Variants in IRAG1 observed in about 807,000 individuals in gnomAD.
IRAG1 encodes inositol 1,4,5-triphosphate receptor associated 1, also known as IP3R-associated cGMP kinase substrate.
Under a neutral mutation model 106.2 loss-of-function variants are expected in IRAG1, and 62 were observed. The observed-to-expected ratio is 0.58, with a 90% CI of 0.48 to 0.72. The LOEUF is 0.72. Among genes scored for constraint, IRAG1 ranks in the 30% least tolerant of loss-of-function variants. The pLI is 0.00. For missense variants in IRAG1, 1,064 were observed against 1,140.7 expected, an observed-to-expected ratio of 0.93 and a Z score of 0.97; for synonymous variants, 462 against 443.9, an observed-to-expected ratio of 1.04 and a Z score of -0.51.
intron 1 of IRAG1, among the ~76,000 whole-genome samples, chr11:10,690,632 C>T (rs1315103076): frequency 2.6e-5 from 4 of 152,138 alleles, no homozygotes; most frequent in Non-Finnish European, 5.9e-5. Flanking sequence ...TGGACTGTGA[C>T]ACTCAGTAAC....
chr11:10,604,323 C>G, intron 13 of IRAG1, 82 bp downstream of exon 13: 1 of 1,551,822 alleles, frequency 6.4e-7, no homozygotes, highest in East Asian at 2.3e-5. Context: ...ATACTTGGTA[C>G]CTGAGAGAAG....
rs780455852 is a variant in IRAG1 at position 10,659,128 on chromosome 11, T to G, written c.68-6946A>C. 6.6e-6 allele frequency among the ~76,000 whole-genome samples: 1 copy of G among 152,242 alleles called. No individual in the cohort carries two copies. The highest frequency in any genetic ancestry group is 6.5e-5 in the Admixed American group (1 of 15,292). On this transcript the variant is annotated intron_variant, in intron 1 of 20. Transcript: ENST00000423302. The surrounding 1 kb of genome is among the most constrained non-coding windows in gnomAD (Gnocchi z 4.1). ...GTTCTTTCCACTATCCCTGTACTCA[T>G]GATGACTCCCCCAAAACAGAGGTTT...
intron 10 of IRAG1, among the ~76,000 whole-genome samples, chr11:10,621,299 C>T (rs1855817243): frequency 6.6e-6 from 1 of 152,200 alleles, no homozygotes; most frequent in Non-Finnish European, 1.5e-5. Context: ...TAAGTTACTA[C>T]AGTTCAGACC....
At chr11:10,596,882 G>T (rs1259806405) in intron 15 of IRAG1, among the ~76,000 whole-genome samples, 1 of 152,216 alleles carries the variant, frequency 6.6e-6, no homozygotes, top group Non-Finnish European at 1.5e-5. Context: ...AGGAAGATGT[G>T]ATTTGCTTAT....
At chr11:10,600,211 C>T (rs1361105468) in intron 15 of IRAG1, among the ~76,000 whole-genome samples, 12 of 152,214 alleles carry the variant, frequency 7.9e-5, no homozygotes, top group Admixed American at 7.9e-4. Context: ...CAAGCAGAAT[C>T]AGGTGGGCCC....
At chr11:10,605,571 C>T (rs568205577) in intron 12 of IRAG1, among the ~76,000 whole-genome samples, 7 of 152,328 alleles carry the variant, frequency 4.6e-5, no homozygotes, top group African/African-American at 1.2e-4. Flanking sequence ...AAGACCAGAA[C>T]GGTCATTAAC....
chr11:10,600,936 G>C lies in IRAG1; in HGVS notation c.1999C>G (p.Arg667Gly). The C allele has an allele frequency of 6.2e-7, 1 of 1,614,042 alleles. No individual in the cohort carries two copies. Among genetic ancestry groups the C allele is most frequent in the Non-Finnish European group, 8.5e-7 (1 of 1,179,896 alleles). The change falls in exon 15 of 21, where the codon CGC becomes GGC. Residue 667 changes from arginine (R) to glycine (G), a missense_variant. By Grantham distance (125) the Arg-to-Gly change is moderately radical. Coordinates refer to ENST00000423302, the MANE Select transcript of IRAG1 (RefSeq NM_130385.4). The part of the protein sequence containing the change: ...FKKLANQNSS[R>G]SCGPSEDGVP... ...TCCTTACCAGAGGGGCCACAGCTGC[G>C]GCTTGAATTCTGATTTGCAAGCTTT...
intron 15 of IRAG1, among the ~76,000 whole-genome samples, chr11:10,595,068 A>G (rs749353703): frequency 6.6e-6 from 1 of 152,018 alleles, no homozygotes; most frequent in African/African-American, 2.4e-5. Flanking sequence ...GGGATTACAG[A>G]TGTGTGCCAC....
chr11:10,584,553 AT>A, intron 18 of IRAG1, among the ~76,000 whole-genome samples: 1 of 40,390 alleles, frequency 2.5e-5, no homozygotes, highest in South Asian at 5.6e-4. Flanking sequence ...CATGAAATAT[AT>A]ATATATATAT....
intron 9 of IRAG1, among the ~76,000 whole-genome samples, chr11:10,624,306 C>A (rs996728438): frequency 6.6e-6 from 1 of 152,294 alleles, no homozygotes; most frequent in South Asian, 2.1e-4. Context: ...TCATTCCGGG[C>A]AGTGACTGCT....
chr11:10,680,779 T>C (rs1861192888), intron 1 of IRAG1, among the ~76,000 whole-genome samples: 1 of 152,166 alleles, frequency 6.6e-6, no homozygotes, highest in Non-Finnish European at 1.5e-5. Context: ...TCTTGTGAAT[T>C]ATGTAATATA....
chr11:10,603,327 G>A (rs1039872597), intron 13 of IRAG1, 76 bp from the exon 14 acceptor site: 11 of 1,542,374 alleles, frequency 7.1e-6, no homozygotes, highest in Admixed American at 5.3e-5. Flanking sequence ...CAACCTTTTC[G>A]GCCTCAGGGA....
chr11:10,580,308 G>T, intron 20 of IRAG1, 147 bp downstream of exon 20: 1 of 1,192,610 alleles, frequency 8.4e-7, no homozygotes, highest in Non-Finnish European at 1.2e-6. Flanking sequence ...CAACATGTGT[G>T]CCCTCTTGGT....
intron 1 of IRAG1, among the ~76,000 whole-genome samples, chr11:10,660,248 A>G (rs1268058507): frequency 6.6e-6 from 1 of 152,266 alleles, no homozygotes; most frequent in Non-Finnish European, 1.5e-5. Flanking sequence ...TAAAAAATAA[A>G]TTACATGAAC....
At chr11:10,640,209 T>C (rs928805704) in intron 2 of IRAG1, among the ~76,000 whole-genome samples, 7 of 152,182 alleles carry the variant, frequency 4.6e-5, no homozygotes, top group African/African-American at 1.4e-4. Context: ...CTCTCCTGAC[T>C]GTAGGCATCT....
chr11:10,594,044 C>G (rs1852982513), intron 16 of IRAG1, 102 bp downstream of exon 16: 5 of 1,106,598 alleles, frequency 4.5e-6, no homozygotes, highest in African/African-American at 1.6e-5. Context: ...TTCAGAGATT[C>G]TCTGGCATCC....
intron 20 of IRAG1, among the ~76,000 whole-genome samples, chr11:10,577,237 C>T (rs187173114): frequency 6.6e-6 from 1 of 152,310 alleles, no homozygotes; most frequent in African/African-American, 2.4e-5. Context: ...TTATCTCAAC[C>T]TCATTAATAT....
At chr11:10,621,044 G>C (rs1419422751) in intron 10 of IRAG1, among the ~76,000 whole-genome samples, 1 of 152,150 alleles carries the variant, frequency 6.6e-6, no homozygotes, top group Non-Finnish European at 1.5e-5. Context: ...GGCAAATATT[G>C]CAAAGAAGAA....
chr11:10,644,437 TGATGA>T (rs907862277), intron 2 of IRAG1, among the ~76,000 whole-genome samples: 3 of 152,216 alleles, frequency 2.0e-5, no homozygotes, highest in African/African-American at 4.8e-5. Flanking sequence ...GCAAAGGATG[TGATGA>T]GATAAGTAGA....
Sources: gnomAD v4.1 joint callset for allele counts (sites outside exome capture counted in the v4.1 genomes callset) on GRCh38, gnomAD v4.1.1 for gene constraint, Gnocchi (gnomAD v3.1) non-coding constraint, MANE v1.5 for transcripts, NCBI Gene and HGNC (gene_info 2026-07-23, HGNC 2026-07-21) for gene names.